Variants in KCNH1 observed in about 807,000 individuals in gnomAD.
KCNH1 encodes voltage-gated delayed rectifier potassium channel KCNH1.
Under a neutral mutation model 69.2 loss-of-function variants are expected in KCNH1, and 27 were observed. The ratio of observed to expected loss-of-function variants is 0.39; its 90% CI spans 0.29 to 0.54. KCNH1 has a LOEUF of 0.54. KCNH1 is among the 20% of genes least tolerant of loss of function. KCNH1 has a pLI of 0.68. For synonymous variants in KCNH1, 456 were observed against 487.7 expected, an observed-to-expected ratio of 0.93 and a Z score of 0.86; for missense variants, 798 against 1,261.6, an observed-to-expected ratio of 0.63 and a Z score of 5.57.
At chr1:210,687,286 G>A (rs1681427408) in intron 10 of KCNH1, among the ~76,000 whole-genome samples, 3 of 152,236 alleles carry the variant, frequency 2.0e-5, no homozygotes, top group African/African-American at 4.8e-5. Flanking sequence ...TATTGTGCTT[G>A]TCACCCAGAG....
chr1:211,119,815 A>G (rs1307017968), intron 1 of KCNH1, among the ~76,000 whole-genome samples: 1 of 152,232 alleles, frequency 6.6e-6, no homozygotes, highest in Non-Finnish European at 1.5e-5. Flanking sequence ...TTAATATCCT[A>G]CAGAAATACA....
At chr1:210,899,382 A>G (rs1053947518) in intron 7 of KCNH1, among the ~76,000 whole-genome samples, 2 of 151,964 alleles carry the variant, frequency 1.3e-5, no homozygotes, top group East Asian at 3.8e-4. Flanking sequence ...ATATGCCGAT[A>G]GTCAACATGC....
At chr1:210,720,729 C>T (rs944536952) in intron 10 of KCNH1, among the ~76,000 whole-genome samples, 2 of 152,112 alleles carry the variant, frequency 1.3e-5, no homozygotes, top group Non-Finnish European at 2.9e-5. Context: ...TCTCCTTGGC[C>T]AAATCCCTTT....
chr1:211,063,705 T>C (rs6540653), intron 5 of KCNH1: 111,402 of 151,386 alleles, frequency 0.74, 41,457 homozygotes, highest in South Asian at 0.82. Flanking sequence ...CACGCCACTG[T>C]GCTCCAGCCT....
chr1:210,804,018 C>T lies in KCNH1; in HGVS notation c.1611G>A (p.Met537Ile). 2 of 1,614,184 alleles carry T rather than the reference C, an allele frequency of 1.2e-6. No individual in the cohort carries two copies. Among genetic ancestry groups the T allele is most frequent in the Middle Eastern group, 1.6e-4 (1 of 6,062 alleles). Residue 537 changes from methionine to isoleucine, a missense_variant, in exon 8 of 11, where the codon ATG becomes ATA. Transcript: ENST00000271751. The part of the protein sequence containing the change: ...QVPKGLSERV[M>I]DYIVSTWSMS... The stretch of plus-strand genomic sequence containing the variant: ...TGGACCAAGTGGACACAATATAATC[C>T]ATTACTCGCTCACTCAATCCTTTTG...
intron 7 of KCNH1, among the ~76,000 whole-genome samples, chr1:210,871,275 T>C (rs1274557630): frequency 6.6e-6 from 1 of 152,150 alleles, no homozygotes; most frequent in African/African-American, 2.4e-5. Flanking sequence ...AGAAGACATT[T>C]ATGCAGACAA....
chr1:210,825,944 T>A (rs1336353874), intron 7 of KCNH1, among the ~76,000 whole-genome samples: 1 of 152,350 alleles, frequency 6.6e-6, no homozygotes, highest in East Asian at 1.9e-4. Context: ...ATCACTTGGG[T>A]GTACAATTCA....
intron 7 of KCNH1, among the ~76,000 whole-genome samples, chr1:210,894,017 C>T (rs1383329484): frequency 6.6e-6 from 1 of 152,152 alleles, no homozygotes; most frequent in African/African-American, 2.4e-5. Context: ...TAACTAATGT[C>T]TTTGCCTACT....
chr1:210,797,518 C>T lies in KCNH1; in HGVS notation c.1905G>A (p.Val635=), dbSNP rs1208720239. 1.2e-6 allele frequency: 2 copies of T among 1,614,112 alleles called. No homozygotes were observed. The highest frequency in any genetic ancestry group is 1.1e-5 in the South Asian group (1 of 91,078). ...AAAGCCAACACCTACCTAGAATGGC[C>T]ACCACCTCATCATCTTGGATCACCT... is the stretch of plus-strand genomic sequence containing the variant. ...SLEVIQDDEV[V]AILGKGDVFG... is the part of the protein sequence containing the mutation. The change falls in exon 9 of 11, where the codon GTG becomes GTA. Residue 635 remains valine, a synonymous_variant. Coordinates refer to ENST00000271751, the MANE Select transcript of KCNH1 (RefSeq NM_172362.3).
In KCNH1 at chr1:210,776,792, C is replaced by A. The variant is rs188180582; in HGVS notation, c.1916-1248G>T. 1.6e-3 allele frequency among the ~76,000 whole-genome samples: 246 copies of A among 152,292 alleles called. 2 individuals carry two copies. Among genetic ancestry groups the A allele is most frequent in the Middle Eastern group, 0.01 (3 of 290 alleles). ...CATATAGCCATATTCTGGGTCAAAG[C>A]TTTATCAAATCGTCTCTAACCATCT... is the stretch of plus-strand genomic sequence containing the variant. On this transcript the variant is annotated intron_variant, in intron 9 of 10. Coordinates refer to ENST00000271751, the MANE Select transcript of KCNH1 (RefSeq NM_172362.3).
intron 6 of KCNH1, among the ~76,000 whole-genome samples, chr1:211,012,144 A>G (rs1194530839): frequency 1.3e-5 from 2 of 152,210 alleles, no homozygotes; most frequent in African/African-American, 4.8e-5. Context: ...GAAAGATAGA[A>G]ATGCCAAGGA....
intron 5 of KCNH1, among the ~76,000 whole-genome samples, chr1:211,064,213 A>C (rs1446821833): frequency 6.6e-6 from 1 of 152,214 alleles, no homozygotes; most frequent in African/African-American, 2.4e-5. Flanking sequence ...AGAATGAAGG[A>C]GACAAATGCT....
chr1:210,838,942 C>T (rs1008995462), intron 7 of KCNH1, among the ~76,000 whole-genome samples: 19 of 152,158 alleles, frequency 1.2e-4, no homozygotes, highest in Admixed American at 5.9e-4. Context: ...GAAAAAGGAA[C>T]GCTTTTACAT....
chr1:210,795,739 G>C (rs1481790508), intron 9 of KCNH1, among the ~76,000 whole-genome samples: 7 of 151,992 alleles, frequency 4.6e-5, no homozygotes, highest in Non-Finnish European at 7.4e-5. Context: ...TCCAGCCTCA[G>C]TTTTCTAATA....
At chr1:210,907,616 G>A (rs904982676) in intron 7 of KCNH1, among the ~76,000 whole-genome samples, 2 of 152,164 alleles carry the variant, frequency 1.3e-5, no homozygotes, top group African/African-American at 4.8e-5. Flanking sequence ...CCAGGGCTGA[G>A]CACAGGTGGA....
chr1:210,891,982 T>C (rs535136988), intron 7 of KCNH1, among the ~76,000 whole-genome samples: 1 of 152,108 alleles, frequency 6.6e-6, no homozygotes, highest in Non-Finnish European at 1.5e-5. Context: ...AAACACCACA[T>C]GTTCTCACTC....
chr1:210,745,291 G>A (rs9430046), intron 10 of KCNH1, among the ~76,000 whole-genome samples: 2,056 of 152,200 alleles, frequency 0.014, 49 homozygotes, highest in African/African-American at 0.046. Flanking sequence ...CCTGGATTGG[G>A]AGCATGAGAG....
At chr1:210,965,923 C>T (rs1688391044) in intron 6 of KCNH1, among the ~76,000 whole-genome samples, 1 of 152,034 alleles carries the variant, frequency 6.6e-6, no homozygotes, top group Non-Finnish European at 1.5e-5. Flanking sequence ...TCCACATAAC[C>T]AAGATAATCC....
At chr1:210,772,655 C>A (rs945609599) in intron 10 of KCNH1, among the ~76,000 whole-genome samples, 1 of 152,120 alleles carries the variant, frequency 6.6e-6, no homozygotes. Context: ...CTCCAACAGT[C>A]GCCTAAGTCC....
Sources: allele counts gnomAD v4.1 joint callset (sites outside exome capture counted in the v4.1 genomes callset), GRCh38; gene constraint gnomAD v4.1.1; transcripts MANE v1.5; gene names NCBI Gene and HGNC (gene_info 2026-07-23, HGNC 2026-07-21).